The following ZNF407 variants were observed in gnomAD, a reference collection of about 807,000 sequenced individuals.
The protein encoded by ZNF407 is zinc finger protein 407.
A neutral mutation model predicts 131.2 loss-of-function variants in ZNF407; 17 were observed. The observed-to-expected ratio is 0.13, with a 90% confidence interval of 0.09 to 0.19. The LOEUF (loss-of-function observed/expected upper bound fraction) is 0.19, where lower values mean the gene tolerates loss of function less well. Ranked by LOEUF, ZNF407 falls within the 10% of genes least tolerant of loss-of-function variation. The pLI, the probability that ZNF407 is intolerant of heterozygous loss-of-function variation, is 1.00. For synonymous variants in ZNF407, 1,156 were observed against 1,062.0 expected (o/e 1.09, Z -1.72); for missense variants, 2,681 against 2,830.6 (o/e 0.95, Z 1.20).
chr18:74,741,270 G>A (rs1300402934), intron 3 of ZNF407, among the ~76,000 whole-genome samples: 1 of 151,976 alleles, frequency 6.6e-6, no homozygotes, highest in East Asian at 1.9e-4. Flanking sequence ...ACACTTATGT[G>A]GACTTATGTT....
At chr18:74,639,792 T>C (rs1198630848) in intron 2 of ZNF407, among the ~76,000 whole-genome samples, 2 of 152,210 alleles carry the variant, frequency 1.3e-5, no homozygotes, top group Non-Finnish European at 2.9e-5. Flanking sequence ...TCACTTTTTT[T>C]GTCAGCTTTT....
chr18:74,982,940 A>C (rs1256319684), intron 8 of ZNF407, among the ~76,000 whole-genome samples: 2 of 152,116 alleles, frequency 1.3e-5, no homozygotes, highest in Non-Finnish European at 2.9e-5. Flanking sequence ...TTACTTCCCA[A>C]GTGTAAAGTT....
chr18:74,981,019 C>T (rs1301032681), intron 8 of ZNF407, among the ~76,000 whole-genome samples: 1 of 152,204 alleles, frequency 6.6e-6, no homozygotes, highest in Non-Finnish European at 1.5e-5. Context: ...ATTTTGGTGT[C>T]AGGTGAGAGA....
At chr18:74,881,589 G>C (rs1971239142) in intron 6 of ZNF407, among the ~76,000 whole-genome samples, 1 of 151,570 alleles carries the variant, frequency 6.6e-6, no homozygotes, top group Non-Finnish European at 1.5e-5. Context: ...CTACCTCCCT[G>C]TCTCCCTCCC....
Position 74,940,367 on chromosome 18 carries a change from C to G in ZNF407, c.5428+19675C>G, listed in dbSNP as rs17055983. Among the ~76,000 whole-genome samples the G allele has an allele frequency of 4.4e-3, 672 of 152,166 alleles. 5 individuals carry two copies. Among genetic ancestry groups the G allele is most frequent in the African/African-American group, 0.015 (618 of 41,514 alleles). ...CAGGGAAGGGGCGTGCAGCTGAGAC[C>G]TGAAGGACTTGTCTGGGCACTGGGG... On this transcript the variant is annotated intron_variant, in intron 8 of 8. Transcript: ENST00000299687.
rs190661665 is a variant in ZNF407 at position 74,805,931 on chromosome 18, A to G, written c.4877+24429A>G. Among the ~76,000 whole-genome samples the G allele has an allele frequency of 2.3e-3, 353 of 152,316 alleles. 3 individuals carry two copies. The highest frequency in any genetic ancestry group is 8.1e-3 in the African/African-American group (337 of 41,582). On this transcript the variant is annotated intron_variant, in intron 4 of 8. Transcript: ENST00000299687. ...CTCGTCCTCTTTCATTCTTTGTTTAATGGAAGAGCTTATGGATGTATATTC... is the reference window on the plus strand; with the variant it reads ...CTCGTCCTCTTTCATTCTTTGTTTAGTGGAAGAGCTTATGGATGTATATTC...
intron 1 of ZNF407, among the ~76,000 whole-genome samples, chr18:74,617,320 A>G (rs1983360539): frequency 6.6e-6 from 1 of 152,162 alleles, no homozygotes; most frequent in Admixed American, 6.5e-5. Context: ...TGCTATTTTC[A>G]GTTTTATAAA....
At chr18:74,989,119 G>A (rs540563095) in intron 8 of ZNF407, among the ~76,000 whole-genome samples, 1 of 152,252 alleles carries the variant, frequency 6.6e-6, no homozygotes, top group East Asian at 1.9e-4. Flanking sequence ...ATGGTCAATG[G>A]AATACTATTT....
At chr18:75,055,656 G>A (rs957500212) in intron 8 of ZNF407, among the ~76,000 whole-genome samples, 2 of 152,126 alleles carry the variant, frequency 1.3e-5, no homozygotes, top group African/African-American at 4.8e-5. Context: ...ACTATTCTTG[G>A]TAAAGTTAGA....
rs371320159 is a variant in ZNF407 at position 75,037,530 on chromosome 18, C to T, written c.5429-25620C>T. 6.9e-4 allele frequency among the ~76,000 whole-genome samples: 105 copies of T among 151,640 alleles called. 2 individuals are homozygous for T. The South Asian group carries it at 0.02, about 29-fold the overall frequency. ...TCTCGATGGCGCCAAAAGCTGCTGC[C>T]GCCGCCGAAAATAAAGATATCTGCA... On this transcript the variant is annotated intron_variant, in intron 8 of 8. Transcript: ENST00000299687.
At chr18:74,907,460 T>C (rs2554126) in intron 7 of ZNF407, among the ~76,000 whole-genome samples, 147,774 of 152,248 alleles carry the variant, frequency 0.97, 71,887 homozygotes, top group East Asian at 1. Flanking sequence ...TGAGGTTGAG[T>C]GGTCCTGTGA....
intron 3 of ZNF407, among the ~76,000 whole-genome samples, chr18:74,669,549 G>C (rs1487609338): frequency 6.6e-6 from 1 of 152,096 alleles, no homozygotes; most frequent in African/African-American, 2.4e-5. Flanking sequence ...TTTGTTTGCT[G>C]TTTCATCATA....
rs150368891 is a variant in ZNF407, at chr18:75,000,420, T to A, written c.5429-62730T>A. On this transcript the variant is annotated intron_variant, in intron 8 of 8. Transcript: ENST00000299687. ...AGTTAATGTTATTCAGCTGTCACAG[T>A]TGATTCTGTTACAAAGGCTGAAATG... Among the ~76,000 whole-genome samples, 14 of 152,374 alleles carry A rather than the reference T, an allele frequency of 9.2e-5. No homozygotes were observed. The East Asian group carries it at 2.7e-3, about 29-fold the overall frequency.
intron 4 of ZNF407, among the ~76,000 whole-genome samples, chr18:74,840,779 CCTAT>C (rs1053552509): frequency 5.9e-5 from 9 of 152,288 alleles, no homozygotes; most frequent in African/African-American, 1.9e-4. Flanking sequence ...TAGCTCACAT[CCTAT>C]CTATCATGTT....
chr18:74,690,210 G>A (rs1277694326), intron 3 of ZNF407, among the ~76,000 whole-genome samples: 3 of 152,090 alleles, frequency 2.0e-5, no homozygotes, highest in Non-Finnish European at 4.4e-5. Flanking sequence ...CATTCTTTAA[G>A]AGAAATTTTA....
intron 8 of ZNF407, among the ~76,000 whole-genome samples, chr18:74,973,806 C>T (rs1283055149): frequency 2.0e-5 from 3 of 152,112 alleles, no homozygotes; most frequent in Admixed American, 6.5e-5. Context: ...CTTGTGGCAG[C>T]GTAACTCCAG....
Position 74,632,647 on chromosome 18 carries a change from T to C in ZNF407, c.1628T>C (p.Leu543Ser), listed in dbSNP as rs771803706. ...CAAGTAGCTACAAATAGGACAGATT[T>C]GGAAATCCATGTGAAAAGGTGCCAT... ...CGQVATNRTDLEIHVKRCHAR... is the reference protein window; with the variant it reads ...CGQVATNRTDSEIHVKRCHAR... The change falls in exon 2 of 9, where the codon TTG becomes TCG. Residue 543 changes from leucine (L) to serine (S), a missense_variant. Leu to Ser is a moderately radical substitution (Grantham distance 145, BLOSUM62 -2). Coordinates refer to ENST00000299687, the MANE Select transcript of ZNF407 (RefSeq NM_017757.3). The C allele has an allele frequency of 4.3e-6, 7 of 1,613,906 alleles. No homozygotes were observed. The East Asian group carries it at 1.3e-4, about 31-fold the overall frequency.
intron 4 of ZNF407, among the ~76,000 whole-genome samples, chr18:74,784,605 T>C (rs1407171039): frequency 1.3e-5 from 2 of 152,246 alleles, no homozygotes; most frequent in Non-Finnish European, 2.9e-5. Flanking sequence ...TATCCTACAG[T>C]ATTTCTGAAA....
chr18:74,675,384 C>A (rs1986312273), intron 3 of ZNF407, among the ~76,000 whole-genome samples: 1 of 152,188 alleles, frequency 6.6e-6, no homozygotes, highest in South Asian at 2.1e-4. Flanking sequence ...TGTGCATTTT[C>A]CTTTCTTTAG....
Sources: allele counts gnomAD v4.1 joint callset (sites outside exome capture counted in the v4.1 genomes callset), GRCh38; gene constraint gnomAD v4.1.1; transcripts MANE v1.5; gene names NCBI Gene and HGNC (gene_info 2026-07-23, HGNC 2026-07-21).